PSIP1: variants seen among roughly 807,000 people sequenced by gnomAD.
PSIP1 encodes the protein PC4 and SRSF1 interacting protein 1, also known as PC4 and SFRS1-interacting protein.
PSIP1 carries 19 observed loss-of-function variants against 74.7 expected under a neutral mutation model. That is an observed-to-expected ratio of 0.25 (90% CI 0.18 to 0.37). The LOEUF (loss-of-function observed/expected upper bound fraction) is 0.37. Among genes scored for constraint, PSIP1 ranks in the 10% least tolerant of loss-of-function variants. PSIP1 has a pLI of 1.00. For missense variants in PSIP1, 601 were observed against 614.3 expected, an observed-to-expected ratio of 0.98 and a Z score of 0.23; for synonymous variants, 222 against 195.3, an observed-to-expected ratio of 1.14 and a Z score of -1.14.
intron 2 of PSIP1, among the ~76,000 whole-genome samples, chr9:15,508,964 G>A (rs985701835): frequency 6.6e-6 from 1 of 152,140 alleles, no homozygotes. Flanking sequence ...TTATAGGCAA[G>A]GAAAAAAGCT....
At chr9:15,494,142 A>G (rs2036964079) in intron 3 of PSIP1, among the ~76,000 whole-genome samples, 1 of 152,244 alleles carries the variant, frequency 6.6e-6, no homozygotes, top group Non-Finnish European at 1.5e-5. Flanking sequence ...TACTATCATT[A>G]GATACATATC....
At chr9:15,480,276 T>A (rs1409609970) in intron 6 of PSIP1, among the ~76,000 whole-genome samples, 1 of 152,038 alleles carries the variant, frequency 6.6e-6, no homozygotes, top group Non-Finnish European at 1.5e-5. Context: ...AATGTAAACA[T>A]GAGGCAGCAG....
At chr9:15,480,186 G>A (rs1459833404) in intron 6 of PSIP1, among the ~76,000 whole-genome samples, 1 of 152,196 alleles carries the variant, frequency 6.6e-6, no homozygotes. Context: ...CTCCTGGAGA[G>A]AATGGCCCCA....
chr9:15,466,864 C>T lies in PSIP1; in HGVS notation c.1421-5G>A, dbSNP rs754506620. ...CTCCATTTAGAGTCTTTGACCCTTGCGAAGGAATCCAATGGAAAAACTTTG... is the reference window on the plus strand; with the variant it reads ...CTCCATTTAGAGTCTTTGACCCTTGTGAAGGAATCCAATGGAAAAACTTTG... On this transcript the variant is annotated splice_region_variant and splice_polypyrimidine_tract_variant and intron_variant, in intron 14 of 15. Transcript: ENST00000380733. 46 of 1,601,292 alleles carry T rather than the reference C, an allele frequency of 2.9e-5. No individual in the cohort carries two copies. The highest frequency in any genetic ancestry group is 3.8e-5 in the Non-Finnish European group (45 of 1,173,468).
chr9:15,498,970 T>C (rs976300536), intron 3 of PSIP1, among the ~76,000 whole-genome samples: 4 of 152,160 alleles, frequency 2.6e-5, no homozygotes, highest in Admixed American at 2.6e-4. Context: ...AAGGATTTGT[T>C]TCCTTCTATA....
At chr9:15,478,373 A>C (rs1217257121) in intron 8 of PSIP1, 104 bp downstream of exon 8, 6 of 944,786 alleles carry the variant, frequency 6.4e-6, no homozygotes, top group Non-Finnish European at 9.6e-6. Flanking sequence ...CAAAATAATA[A>C]CAAACATCCT....
chr9:15,481,763 T>C (rs566650084), intron 6 of PSIP1, among the ~76,000 whole-genome samples: 51 of 152,268 alleles, frequency 3.3e-4, no homozygotes, highest in Non-Finnish European at 5.1e-4. Flanking sequence ...TCAATAATAA[T>C]TAAAACTATA....
intron 6 of PSIP1, 81 bp from the exon 7 acceptor site, chr9:15,479,768 C>A: frequency 9.4e-7 from 1 of 1,066,284 alleles, no homozygotes; most frequent in South Asian, 1.3e-5. Flanking sequence ...ATATGCCAGT[C>A]TATGGTAACG....
intron 3 of PSIP1, among the ~76,000 whole-genome samples, chr9:15,493,392 C>G (rs1018054508): frequency 6.6e-6 from 1 of 152,172 alleles, no homozygotes; most frequent in Admixed American, 6.5e-5. Flanking sequence ...CAAAGCCATT[C>G]AACAAGTCTC....
At position 15,474,077 on chromosome 9, in the gene PSIP1, A is replaced by G. The variant is rs779835640; in HGVS notation, c.790T>C (p.Leu264=). ...GTTGAAGTAACCCCTGTTTTAGCTA[A>G]ATTTTTCCTTTTTGATTCAACTTCT... is the stretch of plus-strand genomic sequence containing the variant. ...KKEVESKRKN[L]AKTGVTSTSD... The change falls in exon 9 of 16, where the codon TTA becomes CTA. Residue 264 remains leucine (L), a synonymous_variant. Coordinates refer to ENST00000380733, the MANE Select transcript of PSIP1 (RefSeq NM_033222.5). 18 of 1,613,522 alleles carry G rather than the reference A, an allele frequency of 1.1e-5. No individual in the cohort carries two copies. The African/African-American group carries it at 1.7e-4, about 16-fold the overall frequency.
At chr9:15,484,252 T>TA in intron 6 of PSIP1, among the ~76,000 whole-genome samples, 1 of 150,264 alleles carries the variant, frequency 6.7e-6, no homozygotes, top group South Asian at 2.1e-4. Context: ...GGCTGGGAGT[T>TA]AGAGATCAGC....
At chr9:15,496,489 A>G (rs1472847089) in intron 3 of PSIP1, among the ~76,000 whole-genome samples, 1 of 152,214 alleles carries the variant, frequency 6.6e-6, no homozygotes, top group African/African-American at 2.4e-5. Context: ...TAACAGAACT[A>G]TATTCATTCA....
At position 15,468,823 on chromosome 9, in the gene PSIP1, A is replaced by C. The variant is rs768640507; in HGVS notation, c.1227T>G (p.Ser409Arg). ...TLKKIRRFKV[S>R]QVIMEKSTML... ...TTGTAGACTTTTCCATGATTACCTG[A>C]CTAACTTTGAATCGCCGTATCTGAG... Residue 409 changes from serine to arginine, a missense_variant, in exon 14 of 16, where the codon AGT (serine) becomes AGG (arginine). Physicochemically the swap from Ser to Arg is moderately radical, Grantham distance 110 (BLOSUM62 -1). This residue lies in a region of PSIP1 where 538 missense variants were observed against 507.6 expected (regional missense o/e 1.06). Coordinates refer to ENST00000380733, the MANE Select transcript of PSIP1 (RefSeq NM_033222.5). The C allele has an allele frequency of 6.2e-7, 1 of 1,613,708 alleles. No individual in the cohort carries two copies.
In PSIP1 at chr9:15,486,848, A is replaced by G. The variant is rs762532520; in HGVS notation, c.372T>C (p.His124=). Residue 124 remains histidine (H), a synonymous_variant, in exon 5 of 16, where the codon CAT becomes CAC. Transcript: ENST00000380733. ...ETSVSKEDTD[H]EEKASNEDVT... ...ATACCTCATTGCTGGCTTTTTCTTC[A>G]TGGTCGGTATCTTCCTTTGAAACAC... 5 of 1,607,250 alleles carry G rather than the reference A, an allele frequency of 3.1e-6. No individual in the cohort carries two copies. Among genetic ancestry groups the G allele is most frequent in the Admixed American group, 1.7e-5 (1 of 59,146 alleles).
chr9:15,466,134 C>CTG, intron 15 of PSIP1, among the ~76,000 whole-genome samples: 1 of 152,248 alleles, frequency 6.6e-6, no homozygotes, highest in Non-Finnish European at 1.5e-5. Flanking sequence ...AATCCCAACA[C>CTG]TGGGAAGCCA....
At chr9:15,473,932 AAAAAACAAAG>A in intron 9 of PSIP1, 67 bp downstream of exon 9, 1 of 970,178 alleles carries the variant, frequency 1.0e-6, no homozygotes, top group African/African-American at 2.7e-5. Context: ...AAAAACAAAA[AAAAAACAAAG>A]AAAAAACAAA....
chr9:15,468,265 CTG>C, intron 14 of PSIP1: 2 of 503,108 alleles, frequency 4.0e-6, no homozygotes, highest in South Asian at 2.9e-5. Flanking sequence ...TAAAAGGCTA[CTG>C]TACGCTATTT....
chr9:15,490,816 A>G (rs992714683), intron 3 of PSIP1, among the ~76,000 whole-genome samples: 3 of 152,100 alleles, frequency 2.0e-5, no homozygotes, highest in African/African-American at 4.8e-5. Flanking sequence ...ATAACTTCGT[A>G]TATTATACAA....
In PSIP1 at chr9:15,490,016, G is replaced by A. The variant is rs1342509458; in HGVS notation, c.258C>T (p.Asn86=). ...GFNEGLWEID[N]NPKVKFSSQQ... Reference sequence around the variant, plus strand: ...GACTTGAAAATTTCACTTTTGGATTGTTATCTATCTCCCATAAACCTTCAT... The same window carrying A: ...GACTTGAAAATTTCACTTTTGGATTATTATCTATCTCCCATAAACCTTCAT... Residue 86 remains asparagine (N), a synonymous_variant, in exon 4 of 16, where the codon AAC becomes AAT. Coordinates refer to ENST00000380733, the MANE Select transcript of PSIP1 (RefSeq NM_033222.5). 1 of 1,584,574 alleles carries A rather than the reference G, an allele frequency of 6.3e-7. No homozygotes were observed. Among genetic ancestry groups the A allele is most frequent in the Non-Finnish European group, 8.6e-7 (1 of 1,168,932 alleles).
Sources: allele counts gnomAD v4.1 joint callset (sites outside exome capture counted in the v4.1 genomes callset), GRCh38; gene constraint gnomAD v4.1.1; regional missense constraint gnomAD v4.1.1; transcripts MANE v1.5; gene names NCBI Gene and HGNC (gene_info 2026-07-23, HGNC 2026-07-21).